ACSM3: variants seen among roughly 807,000 people sequenced by gnomAD.
The protein encoded by ACSM3 is acyl-CoA synthetase medium chain family member 3.
A neutral mutation model predicts 74.1 loss-of-function variants in ACSM3; 61 were observed. The ratio of observed to expected loss-of-function variants is 0.82; its 90% CI spans 0.67 to 1.02. The LOEUF is 1.02. ACSM3 is among the 50% of genes least tolerant of loss of function. The pLI is 0.00. For missense variants in ACSM3, 660 were observed against 697.0 expected, an observed-to-expected ratio of 0.95 and a Z score of 0.60; for synonymous variants, 213 against 241.5, an observed-to-expected ratio of 0.88 and a Z score of 1.09.
At chr16:20,771,610 C>A (rs1012401130) in intron 2 of ACSM3, among the ~76,000 whole-genome samples, 1 of 151,940 alleles carries the variant, frequency 6.6e-6, no homozygotes, top group African/African-American at 2.4e-5. Context: ...TGTATATATA[C>A]CACATTTTCT....
chr16:20,780,476 A>G, intron 4 of ACSM3: 1 of 741,604 alleles, frequency 1.3e-6, no homozygotes, highest in Non-Finnish European at 2.1e-6. Context: ...CATAGAATAA[A>G]AAGCTAGGAA....
chr16:20,751,119 C>T (rs1377591510), intron 2 of ACSM3, among the ~76,000 whole-genome samples: 1 of 152,100 alleles, frequency 6.6e-6, no homozygotes, highest in Admixed American at 6.5e-5. Context: ...AGCCACTGTG[C>T]CCAGTTGGTG....
intron 1 of ACSM3, chr16:20,711,604 T>C: frequency 2.5e-6 from 3 of 1,214,988 alleles, no homozygotes; most frequent in Non-Finnish European, 3.5e-6. Context: ...TGCACTGGAG[T>C]GTCCTGACTT....
Position 20,781,740 on chromosome 16 carries a change from T to C in ACSM3, c.972T>C (p.Cys324=). ...TLSKYPITVF[C]SAPTVYRMLV... ...CCAAGTACCCCATCACAGTCTTCTG[T>C]TCAGCACCAACTGTATACCGAATGC... The change falls in exon 7 of 14, where the codon TGT becomes TGC. Residue 324 remains cysteine (C), a synonymous_variant. Transcript: ENST00000289416. 6.2e-7 allele frequency: 1 copy of C among 1,613,556 alleles called. No homozygotes were observed. Among genetic ancestry groups the C allele is most frequent in the Non-Finnish European group, 8.5e-7 (1 of 1,179,526 alleles).
At chr16:20,776,533 G>A (rs1440716359) in intron 3 of ACSM3, among the ~76,000 whole-genome samples, 3 of 152,200 alleles carry the variant, frequency 2.0e-5, no homozygotes, top group Non-Finnish European at 2.9e-5. Context: ...TGGGGCCCAG[G>A]AGGAAGATCT....
At chr16:20,756,659 T>C (rs1363778937) in intron 3 of ACSM3, among the ~76,000 whole-genome samples, 2 of 152,252 alleles carry the variant, frequency 1.3e-5, no homozygotes, top group Non-Finnish European at 2.9e-5. Context: ...TTTGTCAATG[T>C]TGGCTTTTGT....
chr16:20,737,039 T>C (rs2079875791), intron 1 of ACSM3: 1 of 1,614,114 alleles, frequency 6.2e-7, no homozygotes. Context: ...TTTTTCCTTC[T>C]GCTGTGTTGT....
At chr16:20,773,031 A>G (rs1596513815) in intron 2 of ACSM3, among the ~76,000 whole-genome samples, 3 of 151,962 alleles carry the variant, frequency 2.0e-5, no homozygotes, top group East Asian at 1.9e-4. Context: ...AAACCATCCA[A>G]TTCTGGGCTT....
At chr16:20,773,004 G>C (rs932604376) in intron 2 of ACSM3, among the ~76,000 whole-genome samples, 19 of 151,234 alleles carry the variant, frequency 1.3e-4, no homozygotes, top group African/African-American at 4.1e-4. Flanking sequence ...TAGTTCTTAT[G>C]GTAGAATTCA....
intron 1 of ACSM3, chr16:20,682,365 GGGCATCTAT>G (rs1567307363): frequency 6.2e-7 from 1 of 1,614,062 alleles, no homozygotes; most frequent in South Asian, 1.1e-5. Flanking sequence ...TCTGAGGCAA[GGGCATCTAT>G]GGTCACAATG....
At chr16:20,704,662 AG>A (rs1393470319) in intron 1 of ACSM3, among the ~76,000 whole-genome samples, 1 of 152,240 alleles carries the variant, frequency 6.6e-6, no homozygotes, top group Non-Finnish European at 1.5e-5. Context: ...AGACAAAAAA[AG>A]AAGAGGCATA....
chr16:20,740,288 C>T (rs1300264572), intron 1 of ACSM3, among the ~76,000 whole-genome samples: 4 of 152,158 alleles, frequency 2.6e-5, no homozygotes, highest in African/African-American at 9.7e-5. Flanking sequence ...CCCTGCTACT[C>T]GGGGACTGAG....
intron 1 of ACSM3, among the ~76,000 whole-genome samples, chr16:20,677,964 C>T (rs567742039): frequency 6.6e-6 from 1 of 151,510 alleles, no homozygotes; most frequent in South Asian, 2.1e-4. Flanking sequence ...AAAGATGTGG[C>T]AGAGATGCAC....
chr16:20,737,137 TCAC>T (rs2079877167), intron 1 of ACSM3: 1 of 1,614,112 alleles, frequency 6.2e-7, no homozygotes, highest in Admixed American at 1.7e-5. Context: ...TTAGGGCTCT[TCAC>T]CACCTCCTGG....
Position 20,742,814 on chromosome 16 carries a change from T to TATATATATATA in ACSM3, c.-189-7096_-189-7095insATATATATATA, listed in dbSNP as rs1555483507. 7.9e-3 allele frequency among the ~76,000 whole-genome samples: 409 copies of TATATATATATA among 51,712 alleles called. 1 individual carries two copies. The highest frequency in any genetic ancestry group is 0.011 in the African/African-American group (180 of 15,746). 33.9% of individuals were successfully genotyped at this position (51,712 alleles called of 152,430 possible). A position where few individuals can be genotyped will look rare whatever the true frequency, so the allele number is the denominator to read the frequency against. On this transcript the variant is annotated intron_variant, in intron 1 of 3. Coordinates refer to the ACSM3 transcript ENST00000561584. ...GTAAATATATATATATATATATATA[T>TATATATATATA]TTTTTTTTTTTCCCTTCTCCCCTTC...
chr16:20,702,593 G>A (rs1321353288), intron 1 of ACSM3, among the ~76,000 whole-genome samples: 1 of 152,094 alleles, frequency 6.6e-6, no homozygotes, highest in Admixed American at 6.5e-5. Context: ...AATGTTTGTT[G>A]GCTGAATAAA....
At chr16:20,710,759 A>T (rs1039847662) in intron 1 of ACSM3, among the ~76,000 whole-genome samples, 8 of 152,166 alleles carry the variant, frequency 5.3e-5, no homozygotes, top group Non-Finnish European at 1.0e-4. Context: ...GAAATGTGTT[A>T]TAAGCTGTAA....
At chr16:20,729,462 T>C (rs983969449) in intron 1 of ACSM3, 2 of 697,178 alleles carry the variant, frequency 2.9e-6, no homozygotes, top group Non-Finnish European at 5.2e-6. Context: ...AGGTACCGTA[T>C]TGGGCCATTT....
intron 1 of ACSM3, among the ~76,000 whole-genome samples, chr16:20,687,180 C>G (rs1438919603): frequency 2.0e-5 from 3 of 151,862 alleles, no homozygotes; most frequent in African/African-American, 4.8e-5. Context: ...CAGATAGAAA[C>G]CATGGCATAA....
Sources: allele counts gnomAD v4.1 joint callset (sites outside exome capture counted in the v4.1 genomes callset), GRCh38; gene constraint gnomAD v4.1.1; transcripts MANE v1.5; gene names NCBI Gene and HGNC (gene_info 2026-07-23, HGNC 2026-07-21).